VWA8: variants seen among roughly 807,000 people sequenced by gnomAD.
The protein encoded by VWA8 is von Willebrand factor A domain-containing protein 8.
In VWA8, 221 loss-of-function variants were observed where a neutral mutation model predicts 241.5. The observed-to-expected ratio is 0.91, with a 90% CI of 0.82 to 1.02. The LOEUF (loss-of-function observed/expected upper bound fraction) is 1.02, where lower values mean the gene tolerates loss of function less well. Ranked by LOEUF, VWA8 falls within the 50% of genes least tolerant of loss-of-function variation. VWA8 has a pLI of 0.00. For synonymous variants in VWA8, 852 were observed against 827.1 expected (o/e 1.03, Z -0.52); for missense variants, 2,322 against 2,328.7 (o/e 1.00, Z 0.06).
In VWA8 at chr13:41,859,579, A is replaced by G. The variant is rs1281502744; in HGVS notation, c.1425+6157T>C. Among the ~76,000 whole-genome samples, 3 of 152,196 alleles carry G rather than the reference A, an allele frequency of 2.0e-5. No homozygotes were observed. The East Asian group carries it at 5.8e-4, about 29-fold the overall frequency. ...TATGATGATGTAGAAAGAAATCTGG[A>G]AATATGCCCTTATCTGGTTGTGAAG... On this transcript the variant is annotated intron_variant, in intron 12 of 44. Transcript: ENST00000379310.
intron 40 of VWA8, among the ~76,000 whole-genome samples, chr13:41,601,047 A>G (rs1184374335): frequency 6.6e-6 from 1 of 152,132 alleles, no homozygotes; most frequent in Non-Finnish European, 1.5e-5. Context: ...GCCTGAGACC[A>G]CACAGTGTCA....
intron 37 of VWA8, among the ~76,000 whole-genome samples, chr13:41,652,618 A>T (rs1159729430): frequency 6.6e-6 from 1 of 151,348 alleles, no homozygotes; most frequent in African/African-American, 2.4e-5. Context: ...CTTATTTTAT[A>T]AAAAAAAAGA....
intron 29 of VWA8, among the ~76,000 whole-genome samples, chr13:41,694,077 A>AT (rs923307253): frequency 6.6e-6 from 1 of 151,904 alleles, no homozygotes; most frequent in Non-Finnish European, 1.5e-5. Flanking sequence ...GTGTTTGTTC[A>AT]TTTTTTCCAT....
rs1328730036 is a variant in VWA8 at position 41,727,316 on chromosome 13, G to C, written c.2639-3C>G. On this transcript the variant is annotated splice_region_variant and splice_polypyrimidine_tract_variant and intron_variant, in intron 23 of 44. Transcript: ENST00000379310. Reference sequence around the variant, plus strand: ...TCTTCCATTCACATTAGCAGAATCTGAAAAACAAAATTTGTTTATTCTTTA... The same window carrying C: ...TCTTCCATTCACATTAGCAGAATCTCAAAAACAAAATTTGTTTATTCTTTA... 2 of 1,483,594 alleles carry C rather than the reference G, an allele frequency of 1.3e-6. No individual in the cohort carries two copies. The highest frequency in any genetic ancestry group is 1.3e-5 in the South Asian group (1 of 75,226). The allele number at this position is 1,483,594 out of a possible 1,614,324, so 91.9% of individuals were successfully genotyped here.
At chr13:41,794,852 A>G (rs1869619389) in intron 17 of VWA8, among the ~76,000 whole-genome samples, 1 of 152,190 alleles carries the variant, frequency 6.6e-6, no homozygotes, top group African/African-American at 2.4e-5. Flanking sequence ...GAAACCCTGG[A>G]AGAGAATCTA....
chr13:41,800,615 C>A (rs530788449), intron 17 of VWA8, among the ~76,000 whole-genome samples: 1 of 132,588 alleles, frequency 7.5e-6, no homozygotes, highest in African/African-American at 2.7e-5. Flanking sequence ...AGTGAAACAC[C>A]GTCTCTACTA....
chr13:41,670,867 T>C, intron 37 of VWA8, 79 bp downstream of exon 37: 1 of 1,542,056 alleles, frequency 6.5e-7, no homozygotes, highest in Non-Finnish European at 8.9e-7. Context: ...GGCCCAGAAA[T>C]TTTCATGACT....
intron 17 of VWA8, among the ~76,000 whole-genome samples, chr13:41,788,338 T>G (rs1028281057): frequency 5.9e-5 from 9 of 152,162 alleles, no homozygotes; most frequent in African/African-American, 1.9e-4. Context: ...GCTCTAAATC[T>G]TTGGTGGTGA....
chr13:41,827,365 G>C (rs1871222333), intron 14 of VWA8, among the ~76,000 whole-genome samples: 1 of 152,136 alleles, frequency 6.6e-6, no homozygotes, highest in Non-Finnish European at 1.5e-5. Flanking sequence ...GAAATCAACA[G>C]ATTATTCCTA....
intron 7 of VWA8, 88 bp downstream of exon 7, chr13:41,886,693 A>G: frequency 9.1e-7 from 1 of 1,099,026 alleles, no homozygotes; most frequent in African/African-American, 1.6e-5. Context: ...CTAGTTGTTG[A>G]ATGACTGAAT....
At chr13:41,624,396 C>A (rs2044675631) in intron 37 of VWA8, among the ~76,000 whole-genome samples, 1 of 152,076 alleles carries the variant, frequency 6.6e-6, no homozygotes, top group Non-Finnish European at 1.5e-5. Context: ...GGCCAATATC[C>A]CTGATGAACA....
At chr13:41,836,673 A>G (rs899031686) in intron 12 of VWA8, among the ~76,000 whole-genome samples, 4 of 152,152 alleles carry the variant, frequency 2.6e-5, no homozygotes, top group African/African-American at 9.7e-5. Context: ...TACTTACCTT[A>G]TTCAAGTAAG....
intron 15 of VWA8, among the ~76,000 whole-genome samples, chr13:41,817,645 T>C (rs1870756452): frequency 6.6e-6 from 1 of 152,190 alleles, no homozygotes; most frequent in Non-Finnish European, 1.5e-5. Flanking sequence ...CATTTTTAGA[T>C]GAGGAAACTA....
chr13:41,937,341 G>C (rs1877396917), intron 2 of VWA8, among the ~76,000 whole-genome samples: 1 of 152,164 alleles, frequency 6.6e-6, no homozygotes, highest in Non-Finnish European at 1.5e-5. Context: ...TGGGAGCTCT[G>C]AGCTTGTTTT....
chr13:41,736,505 C>T (rs551389317), intron 21 of VWA8, among the ~76,000 whole-genome samples: 94 of 152,208 alleles, frequency 6.2e-4, no homozygotes, highest in African/African-American at 2.1e-3. Context: ...TATAAAGGTA[C>T]ATTAAGTTAG....
rs144746865 is a variant in VWA8, at chr13:41,779,260, T to C, written c.2278-1204A>G. On this transcript the variant is annotated intron_variant, in intron 19 of 44. Transcript: ENST00000379310. Reference sequence around the variant, plus strand: ...AATATATATGATATAAATATTAAAATATACATATACATACTCACAGAAATT... The same window carrying C: ...AATATATATGATATAAATATTAAAACATACATATACATACTCACAGAAATT... Among the ~76,000 whole-genome samples the C allele has an allele frequency of 3.7e-3, 554 of 148,502 alleles. 2 individuals are homozygous for C. The highest frequency in any genetic ancestry group is 0.02 in the Admixed American group (296 of 14,866).
At chr13:41,941,862 C>A (rs914288281) in intron 2 of VWA8, among the ~76,000 whole-genome samples, 3 of 152,214 alleles carry the variant, frequency 2.0e-5, no homozygotes, top group African/African-American at 7.2e-5. Context: ...CCTGCAGAAA[C>A]TGGCACTGCT....
intron 17 of VWA8, among the ~76,000 whole-genome samples, chr13:41,810,629 G>T (rs1870423472): frequency 6.6e-6 from 1 of 151,978 alleles, no homozygotes; most frequent in Admixed American, 6.6e-5. Context: ...GGTGGGAAGG[G>T]TAGTGAGAAT....
intron 1 of VWA8, among the ~76,000 whole-genome samples, chr13:41,955,147 T>C (rs1878297310): frequency 6.6e-6 from 1 of 152,196 alleles, no homozygotes. Context: ...CCTACTAATG[T>C]GCTTATAAGT....
Sources: allele counts gnomAD v4.1 joint callset (sites outside exome capture counted in the v4.1 genomes callset), GRCh38; gene constraint gnomAD v4.1.1; transcripts MANE v1.5; gene names NCBI Gene and HGNC (gene_info 2026-07-23, HGNC 2026-07-21).